The following ETFA variants were observed in gnomAD, a reference collection of about 807,000 sequenced individuals.
The protein encoded by ETFA is electron transfer flavoprotein subunit alpha, mitochondrial.
A neutral mutation model predicts 46.2 loss-of-function variants in ETFA; 22 were observed. The observed-to-expected ratio is 0.48, with a 90% CI of 0.34 to 0.68. The LOEUF (loss-of-function observed/expected upper bound fraction) is 0.68. ETFA is among the 30% of genes least tolerant of loss of function. ETFA has a pLI of 0.01. For synonymous variants in ETFA, 131 were observed against 139.9 expected, an observed-to-expected ratio of 0.94 and a Z score of 0.45; for missense variants, 345 against 401.1, an observed-to-expected ratio of 0.86 and a Z score of 1.19.
intron 1 of ETFA, among the ~76,000 whole-genome samples, chr15:76,310,855 A>ACCCCC (rs912530705): frequency 3.9e-5 from 3 of 76,662 alleles, no homozygotes; most frequent in African/African-American, 1.5e-4. Flanking sequence ...ACCCCACCCC[A>ACCCCC]CCCCCGCCCT....
chr15:76,290,069 A>C (rs2039744384), intron 4 of ETFA, among the ~76,000 whole-genome samples: 1 of 152,226 alleles, frequency 6.6e-6, no homozygotes, highest in African/African-American at 2.4e-5. Context: ...AAAATGTTAA[A>C]ATGTATACTA....
At chr15:76,222,968 G>A (rs1379529234) in intron 11 of ETFA, among the ~76,000 whole-genome samples, 4 of 151,748 alleles carry the variant, frequency 2.6e-5, no homozygotes, top group Non-Finnish European at 5.9e-5. Flanking sequence ...CCAAGTAGCT[G>A]GGACCACAGG....
At chr15:76,273,415 G>A (rs2039559695) in intron 9 of ETFA, among the ~76,000 whole-genome samples, 1 of 151,988 alleles carries the variant, frequency 6.6e-6, no homozygotes, top group Non-Finnish European at 1.5e-5. Flanking sequence ...AATTACCTAG[G>A]CATGGTGGTG....
intron 11 of ETFA, among the ~76,000 whole-genome samples, chr15:76,217,968 C>G (rs1372139677): frequency 6.6e-6 from 1 of 152,232 alleles, no homozygotes; most frequent in Admixed American, 6.5e-5. Flanking sequence ...AGCCAGCAGG[C>G]ATTTGCTCAG....
intron 4 of ETFA, among the ~76,000 whole-genome samples, chr15:76,288,804 G>T (rs2039726899): frequency 6.6e-6 from 1 of 151,858 alleles, no homozygotes; most frequent in African/African-American, 2.4e-5. Context: ...TAAAATAAAG[G>T]TGTGTTCTTG....
At chr15:76,263,882 C>T (rs188188504) in intron 9 of ETFA, among the ~76,000 whole-genome samples, 36 of 152,282 alleles carry the variant, frequency 2.4e-4, no homozygotes, top group Admixed American at 3.3e-4. Context: ...GTTTTACTAG[C>T]CCATCAGCTC....
chr15:76,283,918 A>G (rs2141528426), intron 7 of ETFA, 93 bp from the exon 8 acceptor site: 2 of 833,476 alleles, frequency 2.4e-6, no homozygotes, highest in African/African-American at 1.7e-5. Context: ...AAATTTTCAT[A>G]TTATGTAACT....
chr15:76,216,436 T>C lies in ETFA; in HGVS notation c.*123A>G. On this transcript the variant is annotated 3_prime_UTR_variant, in exon 12 of 12. Coordinates refer to ENST00000557943, the MANE Select transcript of ETFA (RefSeq NM_000126.4). ...AAGCATTCTGGCATCTGTTAGAAAT[T>C]TTCCCTCAAATTATGAAATGTAGCT... The C allele has an allele frequency of 1.5e-6, 1 of 655,846 alleles. No homozygotes were observed. Among genetic ancestry groups the C allele is most frequent in the South Asian group, 1.8e-5 (1 of 55,218 alleles). The allele number at this position is 655,846 out of a possible 1,614,324, so 40.6% of individuals were successfully genotyped here. A position where few individuals can be genotyped will look rare whatever the true frequency, so the allele number is the denominator to read the frequency against.
chr15:76,252,395 C>T (rs1470942812), intron 9 of ETFA, among the ~76,000 whole-genome samples: 2 of 152,218 alleles, frequency 1.3e-5, no homozygotes, highest in Non-Finnish European at 2.9e-5. Context: ...TTCAGCCTAT[C>T]TTTCTAGCCT....
At chr15:76,274,361 A>G in intron 9 of ETFA, 51 bp downstream of exon 9, 1 of 1,333,632 alleles carries the variant, frequency 7.5e-7, no homozygotes, top group Non-Finnish European at 1.1e-6. Flanking sequence ...AAATACATAC[A>G]GTACTTATCC....
intron 9 of ETFA, among the ~76,000 whole-genome samples, chr15:76,249,877 G>A (rs548866944): frequency 1.1e-4 from 16 of 152,222 alleles, no homozygotes; most frequent in African/African-American, 3.9e-4. Flanking sequence ...AATAAGCAAA[G>A]TTCAGAGAGC....
At chr15:76,277,884 G>A (rs933108432) in intron 8 of ETFA, among the ~76,000 whole-genome samples, 10 of 152,136 alleles carry the variant, frequency 6.6e-5, no homozygotes, top group African/African-American at 2.4e-4. Flanking sequence ...AGCTCCTGTG[G>A]AGGTTGCTAC....
chr15:76,272,668 C>T (rs912831437), intron 9 of ETFA, among the ~76,000 whole-genome samples: 1 of 151,980 alleles, frequency 6.6e-6, no homozygotes, highest in African/African-American at 2.4e-5. Context: ...CACATACCTG[C>T]AGTCCCAGCC....
intron 11 of ETFA, among the ~76,000 whole-genome samples, chr15:76,223,832 T>C (rs1443232114): frequency 5.3e-5 from 8 of 152,214 alleles, no homozygotes. Flanking sequence ...TGTGACCCCA[T>C]TCTATCAATA....
At chr15:76,307,902 T>G (rs919340007) in intron 1 of ETFA, among the ~76,000 whole-genome samples, 4 of 152,206 alleles carry the variant, frequency 2.6e-5, no homozygotes, top group African/African-American at 9.7e-5. Context: ...TGGAAATGTA[T>G]CCTCTTCCTA....
intron 9 of ETFA, chr15:76,260,780 A>G (rs528819758): frequency 3.9e-5 from 62 of 1,604,732 alleles, no homozygotes; most frequent in Non-Finnish European, 5.2e-5. Context: ...CCCAGTCAGC[A>G]TAAGGAGAGG....
At position 76,292,625 on chromosome 15, in the gene ETFA, G is replaced by T; in HGVS notation, c.262C>A (p.Leu88Ile). ...VAQHDVYKGL[L>I]PEELTPLILA... ...TTCTACTGGAAAACCTCACCTGGAAGTAGGCCTTTGTACACATCATGCTGA... is the reference window on the plus strand; with the variant it reads ...TTCTACTGGAAAACCTCACCTGGAATTAGGCCTTTGTACACATCATGCTGA... Residue 88 changes from leucine to isoleucine, a missense_variant, in exon 3 of 12, where the codon CTT becomes ATT. Leu to Ile is a conservative substitution (Grantham distance 5, BLOSUM62 2). Coordinates refer to ENST00000557943, the MANE Select transcript of ETFA (RefSeq NM_000126.4). 6.2e-7 allele frequency: 1 copy of T among 1,612,686 alleles called. No individual in the cohort carries two copies. The highest frequency in any genetic ancestry group is 8.5e-7 in the Non-Finnish European group (1 of 1,178,670).
chr15:76,259,739 C>A, intron 9 of ETFA: 1 of 1,567,538 alleles, frequency 6.4e-7, no homozygotes, highest in East Asian at 2.3e-5. Flanking sequence ...CATGCAGTTC[C>A]GAGCGGCCAG....
At chr15:76,287,072 T>C (rs1472126948) in intron 5 of ETFA, among the ~76,000 whole-genome samples, 1 of 152,168 alleles carries the variant, frequency 6.6e-6, no homozygotes, top group African/African-American at 2.4e-5. Flanking sequence ...ACAACTTTAA[T>C]CAGGCAAAAA....
Sources: gnomAD v4.1 joint callset for allele counts (sites outside exome capture counted in the v4.1 genomes callset) on GRCh38, gnomAD v4.1.1 for gene constraint, MANE v1.5 for transcripts, NCBI Gene and HGNC (gene_info 2026-07-23, HGNC 2026-07-21) for gene names.